Variants in OSBPL1A observed in about 807,000 individuals in gnomAD.
The protein encoded by OSBPL1A is oxysterol-binding protein-related protein 1.
OSBPL1A carries 80 observed loss-of-function variants against 137.1 expected under a neutral mutation model. That is an observed-to-expected ratio of 0.58 (90% CI 0.49 to 0.70). The LOEUF (loss-of-function observed/expected upper bound fraction) is 0.70. Ranked by LOEUF, OSBPL1A falls within the 30% of genes least tolerant of loss-of-function variation. The pLI, the probability that OSBPL1A is intolerant of heterozygous loss-of-function variation, is 0.00. For missense variants in OSBPL1A, 970 were observed against 1,129.4 expected, an observed-to-expected ratio of 0.86 and a Z score of 2.02; for synonymous variants, 365 against 389.7, an observed-to-expected ratio of 0.94 and a Z score of 0.75.
At chr18:24,303,910 G>A (rs776488185) in intron 13 of OSBPL1A, among the ~76,000 whole-genome samples, 192 bp from the exon 14 acceptor site, 1 of 152,060 alleles carries the variant, frequency 6.6e-6, no homozygotes, top group Non-Finnish European at 1.5e-5. Context: ...CAAGTGTAAA[G>A]TAAAAATAAA....
intron 17 of OSBPL1A, among the ~76,000 whole-genome samples, chr18:24,212,567 T>C (rs543819913): frequency 2.0e-5 from 3 of 152,164 alleles, no homozygotes; most frequent in Admixed American, 1.3e-4. Flanking sequence ...TGAGAGTAAA[T>C]ACTGGTTTTT....
chr18:24,231,346 G>A (rs2088270427), intron 16 of OSBPL1A, among the ~76,000 whole-genome samples: 1 of 152,180 alleles, frequency 6.6e-6, no homozygotes, highest in African/African-American at 2.4e-5. Context: ...AGTCTGGAGT[G>A]CAGTGGCGTG....
At chr18:24,362,102 G>C (rs1418488379) in intron 4 of OSBPL1A, among the ~76,000 whole-genome samples, 1 of 150,968 alleles carries the variant, frequency 6.6e-6, no homozygotes. Context: ...GAAGAGTATA[G>C]TTTCCTTCCA....
Position 24,330,998 on chromosome 18 carries a change from T to C in OSBPL1A, c.625+1944A>G, listed in dbSNP as rs751840332. On this transcript the variant is annotated intron_variant, in intron 7 of 27. Transcript: ENST00000319481. ...TTAGTAGAGATGGGGTTTCACCATG[T>C]TGACCAGGATGGTCTCAATCTCTTG... is the stretch of plus-strand genomic sequence containing the variant. 6.8e-4 allele frequency among the ~76,000 whole-genome samples: 103 copies of C among 151,900 alleles called. 1 individual carries two copies. The highest frequency in any genetic ancestry group is 1.7e-3 in the Admixed American group (26 of 15,242).
intron 17 of OSBPL1A, 28 bp from the exon 18 acceptor site, chr18:24,196,228 T>C: frequency 6.7e-7 from 1 of 1,495,078 alleles, no homozygotes; most frequent in African/African-American, 1.4e-5. Flanking sequence ...AAACATAAAG[T>C]TCATTCTAAT....
chr18:24,207,928 AG>A (rs1215707225), intron 17 of OSBPL1A, among the ~76,000 whole-genome samples: 1 of 152,130 alleles, frequency 6.6e-6, no homozygotes, highest in Non-Finnish European at 1.5e-5. Context: ...TATTTTTAGC[AG>A]AGACAAGGTT....
At chr18:24,385,243 C>T (rs1164747747) in intron 1 of OSBPL1A, among the ~76,000 whole-genome samples, 10 of 152,200 alleles carry the variant, frequency 6.6e-5, no homozygotes, top group East Asian at 1.9e-4. Flanking sequence ...CATGAGCCAC[C>T]GCACCCGGCC....
chr18:24,330,935 C>T (rs775425875), intron 7 of OSBPL1A, among the ~76,000 whole-genome samples: 1 of 152,102 alleles, frequency 6.6e-6, no homozygotes, highest in Non-Finnish European at 1.5e-5. Flanking sequence ...GCTGGGACTA[C>T]AGGTGCACGC....
At chr18:24,300,893 C>T (rs147120098) in intron 14 of OSBPL1A, among the ~76,000 whole-genome samples, 1 of 152,306 alleles carries the variant, frequency 6.6e-6, no homozygotes, top group East Asian at 1.9e-4. Flanking sequence ...CCTTGACTCA[C>T]TGCAACCTCT....
chr18:24,270,307 A>C (rs761154768), intron 15 of OSBPL1A, among the ~76,000 whole-genome samples: 6 of 152,220 alleles, frequency 3.9e-5, no homozygotes, highest in Non-Finnish European at 8.8e-5. Context: ...AAACATGCTC[A>C]AACTATTTAT....
At chr18:24,360,648 G>GA (rs958718245) in intron 4 of OSBPL1A, among the ~76,000 whole-genome samples, 14 of 151,620 alleles carry the variant, frequency 9.2e-5, no homozygotes, top group African/African-American at 2.2e-4. Context: ...ATGTTCACAA[G>GA]AAAAAAAAAT....
At chr18:24,228,597 T>G (rs925599354) in intron 16 of OSBPL1A, among the ~76,000 whole-genome samples, 2 of 152,100 alleles carry the variant, frequency 1.3e-5, no homozygotes, top group Non-Finnish European at 2.9e-5. Context: ...ACGAGTTCAG[T>G]AGATTTCTCT....
chr18:24,337,993 T>C (rs1231292168), intron 5 of OSBPL1A, among the ~76,000 whole-genome samples: 6 of 152,002 alleles, frequency 3.9e-5, no homozygotes, highest in Non-Finnish European at 5.9e-5. Flanking sequence ...ATGTTAATAA[T>C]TGGTGAATTT....
At chr18:24,259,262 T>C (rs1332848693) in intron 15 of OSBPL1A, among the ~76,000 whole-genome samples, 4 of 152,174 alleles carry the variant, frequency 2.6e-5, no homozygotes, top group Non-Finnish European at 5.9e-5. Flanking sequence ...TGTATCCTAG[T>C]ACCTGGAATG....
At chr18:24,375,337 A>T (rs1330702541) in intron 2 of OSBPL1A, among the ~76,000 whole-genome samples, 2 of 151,038 alleles carry the variant, frequency 1.3e-5, no homozygotes, top group Non-Finnish European at 2.9e-5. Context: ...AAAAAAAAAA[A>T]AAAAAGACAG....
At chr18:24,166,053 CG>C (rs1260120866) in intron 26 of OSBPL1A, among the ~76,000 whole-genome samples, 1 of 151,964 alleles carries the variant, frequency 6.6e-6, no homozygotes, top group Admixed American at 6.6e-5. Context: ...GCCGAGATTG[CG>C]CCACTGCACT....
intron 14 of OSBPL1A, among the ~76,000 whole-genome samples, chr18:24,287,226 T>A (rs1035453845): frequency 2.6e-5 from 4 of 152,184 alleles, no homozygotes; most frequent in African/African-American, 9.7e-5. Flanking sequence ...TCACTTCTGA[T>A]TGAATTGTCC....
chr18:24,261,527 T>C (rs1178853930), intron 15 of OSBPL1A, among the ~76,000 whole-genome samples: 1 of 152,202 alleles, frequency 6.6e-6, no homozygotes, highest in Admixed American at 6.5e-5. Context: ...ATACATTTCA[T>C]ATGCAGCCTT....
Position 24,257,640 on chromosome 18 carries a change from A to C in OSBPL1A, c.1282-18258T>G, listed in dbSNP as rs1321664208. 9.8e-5 allele frequency among the ~76,000 whole-genome samples: 15 copies of C among 152,326 alleles called. No individual in the cohort carries two copies. In the East Asian group the frequency reaches 2.9e-3, roughly 29 times the overall value. ...AAAATGGACAAATGGAAACACATCA[A>C]GTTAAAAAGCTTCTGCACAGCAAAG... On this transcript the variant is annotated intron_variant, in intron 15 of 27. Transcript: ENST00000319481.
Sources: allele counts gnomAD v4.1 joint callset (sites outside exome capture counted in the v4.1 genomes callset), GRCh38; gene constraint gnomAD v4.1.1; transcripts MANE v1.5; gene names NCBI Gene and HGNC (gene_info 2026-07-23, HGNC 2026-07-21).